Variants in TCP11L1 observed in about 807,000 individuals in gnomAD.
TCP11L1 encodes t-complex 11 like 1.
TCP11L1 carries 28 observed loss-of-function variants against 48.9 expected under a neutral mutation model. That is an observed-to-expected ratio of 0.57 (90% CI 0.42 to 0.78). The LOEUF (loss-of-function observed/expected upper bound fraction) is 0.78. TCP11L1 is among the 30% of genes least tolerant of loss of function. The pLI is 0.00. For missense variants in TCP11L1, 505 were observed against 613.4 expected (o/e 0.82, Z 1.87); for synonymous variants, 204 against 231.9 (o/e 0.88, Z 1.09).
At chr11:33,039,837 A>T in intron 1 of TCP11L1, 45 bp downstream of exon 1, 1 of 152,540 alleles carries the variant, frequency 6.6e-6, no homozygotes, top group Middle Eastern at 3.4e-3. Context: ...CCCGTCCGGG[A>T]GGCGCGCGGT....
At chr11:33,069,491 C>G (rs1047349601) in intron 9 of TCP11L1, among the ~76,000 whole-genome samples, 2 of 151,890 alleles carry the variant, frequency 1.3e-5, no homozygotes, top group Admixed American at 1.3e-4. Flanking sequence ...TATTAGTTAT[C>G]ACAGCAATGG....
At chr11:33,049,911 A>G (rs146800470) in intron 2 of TCP11L1, among the ~76,000 whole-genome samples, 2,499 of 152,256 alleles carry the variant, frequency 0.016, 37 homozygotes, top group Middle Eastern at 0.044. Context: ...CCAGGAGGCC[A>G]TATCTCAGGC....
chr11:33,040,009 C>T (rs1293907708), intron 1 of TCP11L1: 4 of 152,362 alleles, frequency 2.6e-5, no homozygotes, highest in Non-Finnish European at 1.5e-5. Context: ...CTGCCACTCC[C>T]TCGCTGGCCT....
chr11:33,060,768 C>G (rs1322760456), intron 6 of TCP11L1, among the ~76,000 whole-genome samples: 2 of 152,182 alleles, frequency 1.3e-5, no homozygotes, highest in East Asian at 3.9e-4. Flanking sequence ...AAAGCCTCAT[C>G]ATCAGTGTAG....
chr11:33,043,769 T>A lies in TCP11L1; in HGVS notation c.-5T>A. On this transcript the variant is annotated 5_prime_UTR_variant, in exon 2 of 10. Coordinates refer to ENST00000334274, the MANE Select transcript of TCP11L1 (RefSeq NM_018393.4). The stretch of plus-strand genomic sequence containing the variant: ...TCCTAGGAAAGTGAATAAACTTAAT[T>A]GAGAATGTCTGAAAACCTTGACAAG... 3 of 1,596,504 alleles carry A rather than the reference T, an allele frequency of 1.9e-6. No individual in the cohort carries two copies. Among genetic ancestry groups the A allele is most frequent in the Non-Finnish European group, 1.7e-6 (2 of 1,174,974 alleles).
rs955849997 is a variant in TCP11L1 at position 33,039,801 on chromosome 11, G to C, written c.-25+9G>C. 5.2e-5 allele frequency: 8 copies of C among 152,514 alleles called. No homozygotes were observed. The highest frequency in any genetic ancestry group is 1.9e-4 in the African/African-American group (8 of 41,476). 9.4% of individuals were successfully genotyped at this position (152,514 alleles called of 1,614,324 possible). On this transcript the variant is annotated intron_variant, in intron 1 of 9. Transcript: ENST00000334274. ...CGCCGACTCCGTGGCAGGTGAGAGC[G>C]GGAGCTGGGGCGGAGGCTGGCGGGG...
intron 7 of TCP11L1, among the ~76,000 whole-genome samples, chr11:33,065,380 C>G (rs1012231562): frequency 6.6e-6 from 1 of 152,196 alleles, no homozygotes; most frequent in Non-Finnish European, 1.5e-5. Context: ...TCTCCTGCCT[C>G]ATCCTCCCGA....
At chr11:33,051,207 G>A (rs890144147) in intron 2 of TCP11L1, among the ~76,000 whole-genome samples, 2 of 151,888 alleles carry the variant, frequency 1.3e-5, no homozygotes, top group Non-Finnish European at 2.9e-5. Flanking sequence ...TCGCTCTGTC[G>A]CCCAGGCTGG....
At chr11:33,059,202 A>G (rs986510706) in intron 6 of TCP11L1, 107 bp downstream of exon 6, 2 of 1,415,894 alleles carry the variant, frequency 1.4e-6, no homozygotes, top group Non-Finnish European at 1.9e-6. Flanking sequence ...AAAATTTAGT[A>G]GGAGAATAGT....
chr11:33,047,630 T>G (rs1366294963), intron 2 of TCP11L1, among the ~76,000 whole-genome samples: 1 of 152,254 alleles, frequency 6.6e-6, no homozygotes, highest in Non-Finnish European at 1.5e-5. Flanking sequence ...CTTACATTTC[T>G]AAAGCTCATG....
intron 2 of TCP11L1, among the ~76,000 whole-genome samples, chr11:33,044,458 C>A (rs12420812): frequency 6.6e-6 from 1 of 152,222 alleles, no homozygotes; most frequent in Admixed American, 6.5e-5. Flanking sequence ...GTGGCAATAT[C>A]TTCAGGCATT....
chr11:33,063,135 T>A (rs573764936), intron 7 of TCP11L1, among the ~76,000 whole-genome samples: 11 of 152,332 alleles, frequency 7.2e-5, no homozygotes, highest in Admixed American at 2.0e-4. Flanking sequence ...AGTGTTGGGA[T>A]TACAGGCATG....
At chr11:33,048,733 A>C (rs1248943619) in intron 2 of TCP11L1, among the ~76,000 whole-genome samples, 1 of 152,180 alleles carries the variant, frequency 6.6e-6, no homozygotes, top group Non-Finnish European at 1.5e-5. Context: ...GCACTTGTTT[A>C]AAATTCGGAG....
rs1050355903 is a variant in TCP11L1 at position 33,061,596 on chromosome 11, A to C, written c.842A>C (p.Lys281Thr). 13 of 1,612,248 alleles carry C rather than the reference A, an allele frequency of 8.1e-6. No individual in the cohort carries two copies. The Middle Eastern group carries it at 1.2e-3, about 143-fold the overall frequency. The change falls in exon 7 of 10, where the codon AAA becomes ACA. Residue 281 changes from lysine (K) to threonine (T), a missense_variant. This residue lies in a region of TCP11L1 where 335 missense variants were observed against 413.3 expected (regional missense o/e 0.81). Coordinates refer to ENST00000334274, the MANE Select transcript of TCP11L1 (RefSeq NM_018393.4). ...ASEDLMTQKY[K>T]HALPVGGMAA... ...GAGGACCTTATGACTCAGAAGTATA[A>C]ACACGCCCTGCCAGTGGGGGGAATG...
intron 8 of TCP11L1, 92 bp from the exon 9 acceptor site, chr11:33,068,595 T>C (rs1353885327): frequency 6.9e-7 from 1 of 1,457,846 alleles, no homozygotes; most frequent in Non-Finnish European, 9.4e-7. Flanking sequence ...AATCCAGTTA[T>C]TGGTGCCGTC....
chr11:33,066,974 T>TA (rs34707088), intron 8 of TCP11L1, among the ~76,000 whole-genome samples: 36 of 149,636 alleles, frequency 2.4e-4, no homozygotes, highest in Middle Eastern at 3.4e-3. Context: ...CTTATTCCAT[T>TA]AAAAAAAAAA....
chr11:33,068,497 GAGAA>G (rs1305342725), intron 8 of TCP11L1, among the ~76,000 whole-genome samples, 186 bp from the exon 9 acceptor site: 1 of 151,856 alleles, frequency 6.6e-6, no homozygotes, highest in African/African-American at 2.4e-5. Flanking sequence ...AGCAGAGGGA[GAGAA>G]AGAAAGTCCC....
chr11:33,066,258 G>A (rs1854615677), intron 8 of TCP11L1, among the ~76,000 whole-genome samples: 1 of 152,214 alleles, frequency 6.6e-6, no homozygotes, highest in South Asian at 2.1e-4. Context: ...CAAAATGTGT[G>A]TGACTAGCCG....
At chr11:33,041,831 A>T (rs182550351) in intron 1 of TCP11L1, among the ~76,000 whole-genome samples, 14 of 152,262 alleles carry the variant, frequency 9.2e-5, no homozygotes, top group African/African-American at 3.4e-4. Context: ...GTTCTCTGAA[A>T]TTTCACATAA....
Sources: allele counts gnomAD v4.1 joint callset (sites outside exome capture counted in the v4.1 genomes callset), GRCh38; gene constraint gnomAD v4.1.1; regional missense constraint gnomAD v4.1.1; transcripts MANE v1.5; gene names NCBI Gene and HGNC (gene_info 2026-07-23, HGNC 2026-07-21).